The following ERC1 variants were observed in gnomAD, a reference collection of about 807,000 sequenced individuals.
The protein encoded by ERC1 is RAB6 interacting protein 2.
In ERC1, 56 loss-of-function variants were observed where a neutral mutation model predicts 132.0. The ratio of observed to expected loss-of-function variants is 0.42; its 90% CI spans 0.34 to 0.53. The LOEUF is 0.53. ERC1 is among the 20% of genes least tolerant of loss of function. The probability of loss-of-function intolerance (pLI) is 0.03; values close to 1 mark genes in which losing one functional copy is unlikely to be tolerated. For synonymous variants in ERC1, 478 were observed against 476.1 expected (o/e 1.00, Z -0.05); for missense variants, 1,202 against 1,349.9 (o/e 0.89, Z 1.72).
intron 1 of ERC1, among the ~76,000 whole-genome samples, chr12:1,023,867 TTAAC>T (rs1415450055): frequency 1.3e-5 from 2 of 152,196 alleles, no homozygotes; most frequent in East Asian, 1.9e-4. Flanking sequence ...AAAGTGTTCA[TTAAC>T]TAAGGTTTCT....
At chr12:1,434,909 G>A (rs368594491) in intron 17 of ERC1, among the ~76,000 whole-genome samples, 2 of 152,204 alleles carry the variant, frequency 1.3e-5, no homozygotes, top group Non-Finnish European at 2.9e-5. Context: ...GGTGATGACC[G>A]TCAGAGTTTG....
At chr12:997,040 T>C (rs1487460527) in intron 1 of ERC1, among the ~76,000 whole-genome samples, 2 of 152,168 alleles carry the variant, frequency 1.3e-5, no homozygotes, top group Non-Finnish European at 2.9e-5. Context: ...CACCTCAGCC[T>C]CCAGAGTAGC....
chr12:1,315,231 G>A (rs1298166468), intron 15 of ERC1, among the ~76,000 whole-genome samples: 2 of 152,158 alleles, frequency 1.3e-5, no homozygotes, highest in African/African-American at 4.8e-5. Flanking sequence ...TGTCCAGGCT[G>A]ATCTTGAACT....
chr12:1,391,014 A>C (rs1407370063), intron 16 of ERC1: 1 of 152,222 alleles, frequency 6.6e-6, no homozygotes, highest in Admixed American at 6.5e-5. Flanking sequence ...TTGCTGCCTA[A>C]TTACCTAATC....
chr12:993,336 A>T (rs909196799), intron 1 of ERC1, among the ~76,000 whole-genome samples: 1 of 152,186 alleles, frequency 6.6e-6, no homozygotes, highest in Non-Finnish European at 1.5e-5. Context: ...CTAAAATGAC[A>T]TTTGCATGGC....
intron 1 of ERC1, chr12:1,020,899 C>G (rs1214870201): frequency 6.6e-6 from 1 of 152,166 alleles, no homozygotes; most frequent in Non-Finnish European, 1.5e-5. Context: ...TACTTTAAAA[C>G]TACCACAAAT....
chr12:1,119,277 T>C (rs565243862), intron 7 of ERC1, among the ~76,000 whole-genome samples: 43 of 149,684 alleles, frequency 2.9e-4, no homozygotes, highest in Middle Eastern at 3.4e-3. Flanking sequence ...GTTTTTTTTT[T>C]CCCTATTCAG....
intron 13 of ERC1, among the ~76,000 whole-genome samples, chr12:1,256,101 C>A (rs570501044): frequency 6.6e-6 from 1 of 152,014 alleles, no homozygotes; most frequent in South Asian, 2.1e-4. Flanking sequence ...TTGCTTTTTT[C>A]TTGTAAATTT....
intron 14 of ERC1, among the ~76,000 whole-genome samples, chr12:1,285,387 C>T (rs1162347227): frequency 6.6e-6 from 1 of 152,006 alleles, no homozygotes; most frequent in Non-Finnish European, 1.5e-5. Context: ...CCACAAAGCC[C>T]AAAATTCATT....
intron 2 of ERC1, among the ~76,000 whole-genome samples, chr12:1,059,285 G>A (rs1400840839): frequency 6.6e-6 from 1 of 152,162 alleles, no homozygotes; most frequent in Non-Finnish European, 1.5e-5. Flanking sequence ...TGCAAACAGG[G>A]ACATTTGACT....
intron 18 of ERC1, among the ~76,000 whole-genome samples, chr12:1,450,401 G>A (rs1420472722): frequency 2.0e-5 from 3 of 152,206 alleles, no homozygotes; most frequent in Non-Finnish European, 2.9e-5. Context: ...GAATCAGGCA[G>A]TATTTGTCGT....
chr12:1,280,500 T>G, intron 14 of ERC1, among the ~76,000 whole-genome samples: 1 of 152,366 alleles, frequency 6.6e-6, no homozygotes, highest in East Asian at 1.9e-4. Context: ...ACGTGGATTC[T>G]AATCCTTGTT....
chr12:1,465,644 CAG>C (rs1268361993), intron 18 of ERC1, among the ~76,000 whole-genome samples: 2 of 152,242 alleles, frequency 1.3e-5, no homozygotes, highest in Non-Finnish European at 2.9e-5. Context: ...AGTTTGCAGA[CAG>C]ACATTGCTGC....
chr12:1,052,207 TCTG>T (rs1972144183), intron 2 of ERC1, among the ~76,000 whole-genome samples: 1 of 152,218 alleles, frequency 6.6e-6, no homozygotes, highest in South Asian at 2.1e-4. Flanking sequence ...AGGTGATGCT[TCTG>T]CTGCTGGTCA....
intron 2 of ERC1, among the ~76,000 whole-genome samples, chr12:1,076,509 C>G (rs1308613720): frequency 6.6e-6 from 1 of 151,866 alleles, no homozygotes; most frequent in African/African-American, 2.4e-5. Context: ...ATTCTCCTGC[C>G]TCAGCCCCCT....
intron 18 of ERC1, among the ~76,000 whole-genome samples, chr12:1,463,792 G>T (rs996837837): frequency 8.6e-5 from 13 of 150,788 alleles, no homozygotes; most frequent in African/African-American, 3.2e-4. Context: ...CTCACACACA[G>T]TCTGGCACTT....
chr12:1,452,473 T>A (rs532397266), intron 18 of ERC1, among the ~76,000 whole-genome samples: 11 of 152,336 alleles, frequency 7.2e-5, no homozygotes, highest in African/African-American at 2.6e-4. Flanking sequence ...ATCTGTGTTT[T>A]GTTGTCTTTC....
At chr12:1,200,303 T>TTCTCTTTG (rs1329987113) in intron 12 of ERC1, among the ~76,000 whole-genome samples, 1 of 152,184 alleles carries the variant, frequency 6.6e-6, no homozygotes, top group East Asian at 1.9e-4. Flanking sequence ...TCTTATTCTT[T>TTCTCTTTG]TCTCTTTGAC....
rs2082757115 is a variant in ERC1 at position 1,330,181 on chromosome 12, A to G, written c.2780+40169A>G. On this transcript the variant is annotated intron_variant, in intron 15 of 18. Coordinates refer to ENST00000360905, the MANE Select transcript of ERC1 (RefSeq NM_178040.4). ...CAACATAATACACGACAATGGGAAA[A>G]GTCAGATAGCACAGAAAGGCCTATA... Among the ~76,000 whole-genome samples the G allele has an allele frequency of 1.3e-5, 2 of 152,220 alleles. 1 individual carries two copies. The highest frequency in any genetic ancestry group is 4.1e-4 in the South Asian group (2 of 4,830).
Sources: allele counts gnomAD v4.1 joint callset (sites outside exome capture counted in the v4.1 genomes callset), GRCh38; gene constraint gnomAD v4.1.1; transcripts MANE v1.5; gene names NCBI Gene and HGNC (gene_info 2026-07-23, HGNC 2026-07-21).